Variants in KDM4B observed in about 807,000 individuals in gnomAD.
The protein encoded by KDM4B is lysine-specific demethylase 4B.
In KDM4B, 32 loss-of-function variants were observed where a neutral mutation model predicts 125.2. The ratio of observed to expected loss-of-function variants is 0.26; its 90% confidence interval spans 0.19 to 0.34. KDM4B has a LOEUF of 0.34. Among genes scored for constraint, KDM4B ranks in the 10% least tolerant of loss-of-function variants. The pLI is 1.00. For missense variants in KDM4B, 1,190 were observed against 1,577.7 expected (o/e 0.75, Z 4.16); for synonymous variants, 721 against 677.9 (o/e 1.06, Z -0.99).
intron 9 of KDM4B, among the ~76,000 whole-genome samples, chr19:5,093,162 G>A (rs943182763): frequency 2.6e-5 from 4 of 152,226 alleles, no homozygotes; most frequent in African/African-American, 7.2e-5. Context: ...GGCAGCATGT[G>A]GAGGAGAAAG....
At position 4,980,427 on chromosome 19, in the gene KDM4B, T is replaced by C. The variant is rs1243033014; in HGVS notation, c.-109+11197T>C. ...AGCCTTGTCCCTTTTCTTTCTTTTT[T>C]TTTTTTTTTTTTTTGAGATGGAGTC... On this transcript the variant is annotated intron_variant, in intron 1 of 22. Transcript: ENST00000159111. Among the ~76,000 whole-genome samples, 135 of 146,242 alleles carry C rather than the reference T, an allele frequency of 9.2e-4. 2 individuals are homozygous for C. The highest frequency in any genetic ancestry group is 2.7e-3 in the African/African-American group (109 of 39,678).
intron 7 of KDM4B, chr19:5,074,389 C>T (rs79143196): frequency 0.044 from 6,674 of 152,170 alleles, 198 homozygotes; most frequent in Non-Finnish European, 0.067. Flanking sequence ...ATCGTTGGGA[C>T]GGTGGAAGGG....
chr19:5,133,772 G>A, intron 13 of KDM4B, 111 bp from the exon 14 acceptor site: 1 of 1,118,084 alleles, frequency 8.9e-7, no homozygotes, highest in South Asian at 1.4e-5. Context: ...GGACCCTGTG[G>A]GCAGCCAGGG....
chr19:5,010,180 C>T (rs569184872), intron 1 of KDM4B, among the ~76,000 whole-genome samples: 1 of 152,342 alleles, frequency 6.6e-6, no homozygotes, highest in African/African-American at 2.4e-5. Context: ...ACTTTCACGA[C>T]CTTGGCACTT....
intron 3 of KDM4B, among the ~76,000 whole-genome samples, chr19:5,037,280 G>C (rs2036658806): frequency 6.6e-6 from 1 of 152,194 alleles, no homozygotes; most frequent in Admixed American, 6.5e-5. Flanking sequence ...GTGTCTGTGT[G>C]ATTCAGAGCA....
At chr19:5,117,831 C>T (rs893983514) in intron 10 of KDM4B, among the ~76,000 whole-genome samples, 5 of 152,180 alleles carry the variant, frequency 3.3e-5, no homozygotes, top group Admixed American at 2.6e-4. Context: ...TGATGCCATG[C>T]CTCTGGTCCA....
chr19:5,075,474 T>C (rs568047685), intron 7 of KDM4B: 20 of 152,324 alleles, frequency 1.3e-4, no homozygotes, highest in African/African-American at 4.6e-4. Context: ...TATTTTTTAT[T>C]TTTATTTTTA....
chr19:5,141,053 G>A lies in KDM4B; in HGVS notation c.2551-2914G>A, dbSNP rs1050505331. Reference sequence around the variant, plus strand: ...GGTGGGTCTGCTGGGGAGACCACAAGGGTGGGACTGATGCCGGCCACAAAG... The same window carrying A: ...GGTGGGTCTGCTGGGGAGACCACAAAGGTGGGACTGATGCCGGCCACAAAG... On this transcript the variant is annotated intron_variant, in intron 18 of 22. Coordinates refer to ENST00000159111, the MANE Select transcript of KDM4B (RefSeq NM_015015.3). The surrounding 1 kb of genome is among the most constrained non-coding windows in gnomAD (Gnocchi z 6.4). 6.6e-6 allele frequency: 1 copy of A among 152,304 alleles called. No individual in the cohort carries two copies. Among genetic ancestry groups the A allele is most frequent in the Non-Finnish European group, 1.5e-5 (1 of 68,076 alleles). The allele number at this position is 152,304 out of a possible 1,614,324, so 9.4% of individuals were successfully genotyped here.
At chr19:4,973,750 GGGAACAT>G (rs2034341829) in intron 1 of KDM4B, among the ~76,000 whole-genome samples, 1 of 151,866 alleles carries the variant, frequency 6.6e-6, no homozygotes, top group East Asian at 1.9e-4. Context: ...TGTTGGGGCG[GGGAACAT>G]GGGAAGTCTC....
In KDM4B at chr19:5,131,960, C is replaced by A; in HGVS notation, c.1859C>A (p.Thr620Asn). ...CGCCATCCCCTGGGCCGGCCGCCCA[C>A]CCGGTCCCCACTGTCGGTGGTGAAG... ...SRRHPLGRPP[T>N]RSPLSVVKQE... The change falls in exon 13 of 23, where the codon ACC (threonine) becomes AAC (asparagine). Residue 620 changes from threonine (T) to asparagine (N), a missense_variant. Physicochemically the swap from Thr to Asn is moderately conservative, Grantham distance 65. Coordinates refer to ENST00000159111, the MANE Select transcript of KDM4B (RefSeq NM_015015.3). 2 of 1,612,048 alleles carry A rather than the reference C, an allele frequency of 1.2e-6. No homozygotes were observed. The highest frequency in any genetic ancestry group is 1.1e-5 in the South Asian group (1 of 90,948).
chr19:5,055,712 C>T (rs1220692213), intron 6 of KDM4B, among the ~76,000 whole-genome samples: 1 of 152,186 alleles, frequency 6.6e-6, no homozygotes, highest in Non-Finnish European at 1.5e-5. Flanking sequence ...CCTGCAGGTC[C>T]CTCTTCTCAT....
intron 8 of KDM4B, among the ~76,000 whole-genome samples, chr19:5,080,049 TC>T (rs908542355): frequency 2.6e-4 from 39 of 151,874 alleles, no homozygotes; most frequent in African/African-American, 6.5e-4. Flanking sequence ...CCACGTGTGT[TC>T]CCCCCCCACC....
chr19:5,037,198 G>A (rs1198726137), intron 3 of KDM4B, among the ~76,000 whole-genome samples: 1 of 152,222 alleles, frequency 6.6e-6, no homozygotes, highest in African/African-American at 2.4e-5. Flanking sequence ...CTTTGGCGTG[G>A]ATTTGGAGCC....
chr19:5,061,245 C>T (rs2037587247), intron 6 of KDM4B, among the ~76,000 whole-genome samples: 1 of 152,240 alleles, frequency 6.6e-6, no homozygotes, highest in African/African-American at 2.4e-5. Flanking sequence ...CTCCCCATCC[C>T]AGGCTCCCCA....
intron 11 of KDM4B, among the ~76,000 whole-genome samples, chr19:5,123,315 C>T (rs116026468): frequency 4.1e-4 from 62 of 152,368 alleles, no homozygotes; most frequent in African/African-American, 1.4e-3. Flanking sequence ...GTCCAGGTGT[C>T]AGCCGGGCTG....
At chr19:4,977,390 C>G (rs1033099913) in intron 1 of KDM4B, among the ~76,000 whole-genome samples, 28 of 152,170 alleles carry the variant, frequency 1.8e-4, no homozygotes, top group Admixed American at 1.8e-3. Flanking sequence ...TGCTGGTAGG[C>G]GCGACCACCG....
intron 2 of KDM4B, among the ~76,000 whole-genome samples, chr19:5,017,224 G>C (rs765254726): frequency 2.0e-5 from 3 of 152,310 alleles, no homozygotes; most frequent in Non-Finnish European, 4.4e-5. Context: ...TTAGGACCTT[G>C]AGGAGGGTGG....
At position 5,114,563 on chromosome 19, in the gene KDM4B, A is replaced by C. The variant is rs1327047222; in HGVS notation, c.1115+3745A>C. On this transcript the variant is annotated intron_variant, in intron 10 of 22. Coordinates refer to ENST00000159111, the MANE Select transcript of KDM4B (RefSeq NM_015015.3). The surrounding 1 kb of genome is among the most constrained non-coding windows in gnomAD (Gnocchi z 5.8). ...AGGGAGTGCGCAGCCTCAGGGACTC[A>C]CTTGCTGTCTCCTGTCTCTTTCCTA... 3 of 339,970 alleles carry C rather than the reference A, an allele frequency of 8.8e-6. No individual in the cohort carries two copies. Among genetic ancestry groups the C allele is most frequent in the South Asian group, 2.2e-5 (1 of 46,042 alleles). The allele number at this position is 339,970 out of a possible 1,614,324, so 21.1% of individuals were successfully genotyped here.
intron 10 of KDM4B, chr19:5,111,282 G>T (rs1210237754): frequency 1.4e-6 from 1 of 696,582 alleles, no homozygotes; most frequent in Admixed American, 1.9e-5. Flanking sequence ...ACTCAACGGG[G>T]CATCAGGTGG....
Sources: gnomAD v4.1 joint callset for allele counts (sites outside exome capture counted in the v4.1 genomes callset) on GRCh38, gnomAD v4.1.1 for gene constraint, Gnocchi (gnomAD v3.1) non-coding constraint, MANE v1.5 for transcripts, NCBI Gene and HGNC (gene_info 2026-07-23, HGNC 2026-07-21) for gene names.